ACOX1: variants seen among roughly 807,000 people sequenced by gnomAD.
The protein encoded by ACOX1 is acyl-CoA oxidase 1, also known as peroxisomal acyl-coenzyme A oxidase 1.
Under a neutral mutation model 75.5 loss-of-function variants are expected in ACOX1, and 41 were observed. The ratio of observed to expected loss-of-function variants is 0.54; its 90% CI spans 0.42 to 0.70. The LOEUF (loss-of-function observed/expected upper bound fraction) is 0.70. Among genes scored for constraint, ACOX1 ranks in the 30% least tolerant of loss-of-function variants. ACOX1 has a pLI of 0.00. For missense variants in ACOX1, 630 were observed against 837.5 expected (o/e 0.75, Z 3.06); for synonymous variants, 303 against 298.8 (o/e 1.01, Z -0.15).
At position 75,967,599 on chromosome 17, in the gene ACOX1, AAT is replaced by A. The variant is rs753197282; in HGVS notation, c.270-7226_270-7225del. ...AGCAGAAAATAATTTAAAAAATCGA[AAT>A]ATATATATATATACATACATATATA... On this transcript the variant is annotated intron_variant, in intron 2 of 13. Coordinates refer to ENST00000293217, the MANE Select transcript of ACOX1 (RefSeq NM_004035.7). Among the ~76,000 whole-genome samples, 775 of 142,224 alleles carry A rather than the reference AAT, an allele frequency of 5.4e-3. 20 individuals are homozygous for A. The highest frequency in any genetic ancestry group is 0.018 in the African/African-American group (683 of 38,318). 93.3% of individuals were successfully genotyped at this position (142,224 alleles called of 152,430 possible). A position where few individuals can be genotyped will look rare whatever the true frequency, so the allele number is the denominator to read the frequency against.
intron 3 of ACOX1, 71 bp from the exon 4 acceptor site, chr17:75,957,637 G>T: frequency 8.4e-7 from 1 of 1,197,186 alleles, no homozygotes; most frequent in Non-Finnish European, 1.2e-6. Flanking sequence ...AAAATTTCCT[G>T]CACAGTCCTT....
Position 75,950,976 on chromosome 17 carries a change from A to C in ACOX1, c.1108-12T>G, listed in dbSNP as rs1419740493. 6.2e-7 allele frequency: 1 copy of C among 1,613,420 alleles called. No homozygotes were observed. Among genetic ancestry groups the C allele is most frequent in the East Asian group, 2.2e-5 (1 of 44,862 alleles). ...GTGAGGGCATGAAGCTGAGAGGACA[A>C]GCACAGATCTGTCAGGACATCTGTG... On this transcript the variant is annotated splice_polypyrimidine_tract_variant and intron_variant, in intron 8 of 13. Transcript: ENST00000293217. The surrounding 1 kb of genome is among the most constrained non-coding windows in gnomAD (Gnocchi z 4.3).
chr17:75,958,540 G>A (rs1488945271), intron 3 of ACOX1, among the ~76,000 whole-genome samples: 2 of 147,980 alleles, frequency 1.4e-5, no homozygotes, highest in Non-Finnish European at 3.0e-5. Flanking sequence ...TGGGCACGGT[G>A]GCTCACGCCT....
At chr17:75,958,328 G>C (rs1173109576) in intron 3 of ACOX1, among the ~76,000 whole-genome samples, 2 of 147,536 alleles carry the variant, frequency 1.4e-5, no homozygotes. Context: ...ACTCCAGCCT[G>C]GGTGGCAGAG....
chr17:75,955,781 A>G, intron 5 of ACOX1, 47 bp downstream of exon 5: 1 of 1,613,944 alleles, frequency 6.2e-7, no homozygotes, highest in Non-Finnish European at 8.5e-7. Context: ...TGCAGAAGAA[A>G]GTGCTCAGTT....
chr17:75,952,830 CAAAAAAAAAA>C (rs561945963), intron 7 of ACOX1, among the ~76,000 whole-genome samples: 1 of 75,162 alleles, frequency 1.3e-5, no homozygotes, highest in Non-Finnish European at 3.0e-5. Flanking sequence ...GAATCCATCT[CAAAAAAAAAA>C]AAAAAAGAAA....
chr17:75,954,076 G>A (rs539195759), intron 6 of ACOX1, among the ~76,000 whole-genome samples: 53 of 152,200 alleles, frequency 3.5e-4, no homozygotes, highest in African/African-American at 1.1e-3. Context: ...AATTAGCTGC[G>A]TGTGGTGGCA....
Position 75,950,751 on chromosome 17 carries a change from G to A in ACOX1, c.1298+23C>T. On this transcript the variant is annotated intron_variant, in intron 9 of 13. Transcript: ENST00000293217. The surrounding 1 kb of genome is among the most constrained non-coding windows in gnomAD (Gnocchi z 4.3). ...AGAACATTCTTATGAACAGATGGGA[G>A]GAATCGAGGATTTGACTCTCACCTA... 2 of 1,610,346 alleles carry A rather than the reference G, an allele frequency of 1.2e-6. No homozygotes were observed. Among genetic ancestry groups the A allele is most frequent in the Non-Finnish European group, 1.7e-6 (2 of 1,176,888 alleles).
At position 75,960,362 on chromosome 17, in the gene ACOX1, C is replaced by T; in HGVS notation, c.283G>A (p.Gly95Arg). ...TGAAGATCCAGAGGCTCAGGCCGCC[C>T]TCGGTGCACAAAACTTCGAGGAAAT... ...IMWFKNFVHR[G>R]RPEPLDLHLG... Residue 95 changes from glycine (G) to arginine (R), a missense_variant, in exon 3 of 14, where the codon GGG becomes AGG. Physicochemically the swap from Gly to Arg is moderately radical, Grantham distance 125. Around this residue, in one of 2 missense-constraint regions of ACOX1, gnomAD observed 390 missense variants for 574.9 expected, o/e 0.68. Coordinates refer to ENST00000293217, the MANE Select transcript of ACOX1 (RefSeq NM_004035.7). The surrounding 1 kb of genome is among the most constrained non-coding windows in gnomAD (Gnocchi z 4.4). The T allele has an allele frequency of 6.2e-7, 1 of 1,613,902 alleles. No homozygotes were observed. Among genetic ancestry groups the T allele is most frequent in the Non-Finnish European group, 8.5e-7 (1 of 1,180,014 alleles).
intron 6 of ACOX1, 101 bp from the exon 7 acceptor site, chr17:75,953,721 C>T (rs773254687): frequency 7.3e-6 from 10 of 1,378,792 alleles, no homozygotes; most frequent in African/African-American, 2.8e-5. Context: ...ATCAGCATCA[C>T]CTGGCAACTT....
At position 75,978,457 on chromosome 17, in the gene ACOX1, GT is replaced by G; in HGVS notation, c.269+76del. On this transcript the variant is annotated intron_variant, in intron 2 of 13. Coordinates refer to ENST00000293217, the MANE Select transcript of ACOX1 (RefSeq NM_004035.7). The surrounding 1 kb of genome is among the most constrained non-coding windows in gnomAD (Gnocchi z 4.2). The stretch of plus-strand genomic sequence containing the variant: ...TTTGCATCTTCAAACACCAAGCACG[GT>G]GATGAAAGGCCACCATAGACCGCAG... 6.4e-7 allele frequency: 1 copy of G among 1,564,382 alleles called. No homozygotes were observed. The highest frequency in any genetic ancestry group is 8.8e-7 in the Non-Finnish European group (1 of 1,135,674).
At chr17:75,973,957 G>A (rs755714465) in intron 2 of ACOX1, among the ~76,000 whole-genome samples, 1 of 152,174 alleles carries the variant, frequency 6.6e-6, no homozygotes, top group African/African-American at 2.4e-5. Flanking sequence ...GCCAGCAGCA[G>A]AACCTGATGA....
chr17:75,950,826 G>C lies in ACOX1; in HGVS notation c.1246C>G (p.Pro416Ala). The C allele has an allele frequency of 6.2e-7, 1 of 1,614,114 alleles. No homozygotes were observed. The highest frequency in any genetic ancestry group is 1.1e-5 in the South Asian group (1 of 91,076). Reference sequence around the variant, plus strand: ...TTTTCTCCCTCAAAGGTACAGCTTGGGGTGAAATTGACATAAATATTTGGA... The same window carrying C: ...TTTTCTCCCTCAAAGGTACAGCTTGCGGTGAAATTGACATAAATATTTGGA... The part of the protein sequence containing the change: ...GLPNIYVNFT[P>A]SCTFEGENTV... Residue 416 changes from proline to alanine, a missense_variant, in exon 9 of 14, where the codon CCA (proline) becomes GCA (alanine). Pro to Ala is a conservative substitution (Grantham distance 27, BLOSUM62 -1). This residue lies in a region of ACOX1 where 390 missense variants were observed against 574.9 expected (regional missense o/e 0.68). Coordinates refer to ENST00000293217, the MANE Select transcript of ACOX1 (RefSeq NM_004035.7). This position sits in a 1 kb window ranked among gnomAD's most constrained non-coding sequence, Gnocchi z 4.3.
chr17:75,949,325 T>C lies in ACOX1; in HGVS notation c.1620A>G (p.Ser540=). The change falls in exon 12 of 14, where the codon TCA becomes TCG. Residue 540 remains serine (S), a synonymous_variant. Transcript: ENST00000293217. ...HCHYVVVKLF[S]EKLLKIQDKA... is the part of the protein sequence containing the mutation. ...TATCTTGAATTTTGAGGAGTTTTTC[T>C]GAAAAGAGCTTAACTACCACATAGT... is the stretch of plus-strand genomic sequence containing the variant. 1 of 1,614,214 alleles carries C rather than the reference T, an allele frequency of 6.2e-7. No homozygotes were observed. The highest frequency in any genetic ancestry group is 1.1e-5 in the South Asian group (1 of 91,090).
intron 12 of ACOX1, among the ~76,000 whole-genome samples, chr17:75,948,665 C>T (rs1277589582): frequency 2.6e-5 from 4 of 151,786 alleles, no homozygotes; most frequent in Non-Finnish European, 4.4e-5. Context: ...AGCAATTCTC[C>T]TCCCTTGGCC....
chr17:75,953,402 G>A, intron 7 of ACOX1, 49 bp downstream of exon 7: 2 of 1,603,844 alleles, frequency 1.2e-6, no homozygotes, highest in African/African-American at 1.3e-5. Flanking sequence ...TCTGAATGGG[G>A]TAAAAACTAG....
chr17:75,978,698 A>C lies in ACOX1; in HGVS notation c.110-5T>G. 1 of 1,613,538 alleles carries C rather than the reference A, an allele frequency of 6.2e-7. No individual in the cohort carries two copies. Among genetic ancestry groups the C allele is most frequent in the South Asian group, 1.1e-5 (1 of 91,056 alleles). ...GGTCGTTCAGGATCATGTTCTCTGA[A>C]AGGGGGTTAAAGGGCATTAAAAGGC... is the stretch of plus-strand genomic sequence containing the variant. On this transcript the variant is annotated splice_polypyrimidine_tract_variant and splice_region_variant and intron_variant, in intron 1 of 13. Transcript: ENST00000293217. This position sits in a 1 kb window ranked among gnomAD's most constrained non-coding sequence, Gnocchi z 4.2.
At chr17:75,949,965 C>A in intron 9 of ACOX1, 68 bp from the exon 10 acceptor site, 1 of 1,564,448 alleles carries the variant, frequency 6.4e-7, no homozygotes, top group Non-Finnish European at 8.7e-7. Context: ...GATGGAGTTT[C>A]ATTCTTGTTG....
rs572895309 is a variant in ACOX1, at chr17:75,943,216, CAAAAAAAA to C, written c.*3524_*3531del. ...CATTCCCGCCTGGGAGACTCCATCT[CAAAAAAAA>C]AAAAAAAAAAATTAACATGTTGGCC... On this transcript the variant is annotated 3_prime_UTR_variant, in exon 14 of 14. Transcript: ENST00000293217. The C allele has an allele frequency of 2.8e-5, 3 of 107,962 alleles. No homozygotes were observed. The highest frequency in any genetic ancestry group is 9.8e-5 in the African/African-American group (3 of 30,556). 6.7% of individuals were successfully genotyped at this position (107,962 alleles called of 1,614,324 possible). A position where few individuals can be genotyped will look rare whatever the true frequency, so the allele number is the denominator to read the frequency against.
Sources: gnomAD v4.1 joint callset for allele counts (sites outside exome capture counted in the v4.1 genomes callset) on GRCh38, gnomAD v4.1.1 for gene constraint, gnomAD v4.1.1 regional missense constraint, Gnocchi (gnomAD v3.1) non-coding constraint, MANE v1.5 for transcripts, NCBI Gene and HGNC (gene_info 2026-07-23, HGNC 2026-07-21) for gene names.